Variants in SBF2 observed in about 807,000 individuals in gnomAD.
The protein encoded by SBF2 is SET binding factor 2, also known as myotubularin-related protein 13.
A neutral mutation model predicts 225.2 loss-of-function variants in SBF2; 112 were observed. That is an observed-to-expected ratio of 0.50 (90% CI 0.43 to 0.58). SBF2 has a LOEUF of 0.58. Ranked by LOEUF, SBF2 falls within the 20% of genes least tolerant of loss-of-function variation. The probability of loss-of-function intolerance (pLI) is 0.00; values close to 1 mark genes in which losing one functional copy is unlikely to be tolerated. For synonymous variants in SBF2, 763 were observed against 773.3 expected, an observed-to-expected ratio of 0.99 and a Z score of 0.22; for missense variants, 1,996 against 2,206.2, an observed-to-expected ratio of 0.90 and a Z score of 1.91.
chr11:10,254,339 A>T (rs912978495), intron 1 of SBF2, among the ~76,000 whole-genome samples: 5 of 151,648 alleles, frequency 3.3e-5, no homozygotes, highest in African/African-American at 1.2e-4. Context: ...GACTGCAGTG[A>T]CAGTGCACTC....
At chr11:10,139,895 G>A (rs17292774) in intron 2 of SBF2, among the ~76,000 whole-genome samples, 15,690 of 152,144 alleles carry the variant, frequency 0.1, 979 homozygotes, top group Non-Finnish European at 0.12. Flanking sequence ...CACTGGGTGC[G>A]GATTAGCAGA....
chr11:10,100,594 A>G (rs1431161393), intron 2 of SBF2, among the ~76,000 whole-genome samples: 1 of 152,030 alleles, frequency 6.6e-6, no homozygotes, highest in African/African-American at 2.4e-5. Flanking sequence ...ATATGTCTGT[A>G]GCCTGGTCAT....
intron 16 of SBF2, among the ~76,000 whole-genome samples, chr11:9,924,291 C>A (rs932175071): frequency 6.6e-6 from 1 of 152,162 alleles, no homozygotes; most frequent in South Asian, 2.1e-4. Flanking sequence ...AGATATTTGA[C>A]ACTTTATTAT....
intron 6 of SBF2, among the ~76,000 whole-genome samples, chr11:10,014,505 TA>T (rs1181315538): frequency 0.068 from 4,845 of 70,808 alleles, 95 homozygotes; most frequent in South Asian, 0.18. Context: ...CCATTTCAAC[TA>T]AAAAAAAAAA....
chr11:10,253,176 G>A (rs1438552259), intron 1 of SBF2, among the ~76,000 whole-genome samples: 10 of 138,366 alleles, frequency 7.2e-5, no homozygotes, highest in African/African-American at 2.1e-4. Context: ...TGCCTCTAGA[G>A]AAAAGAAAAA....
chr11:10,069,009 A>T (rs1361124786), intron 2 of SBF2, among the ~76,000 whole-genome samples: 1 of 152,124 alleles, frequency 6.6e-6, no homozygotes, highest in East Asian at 1.9e-4. Flanking sequence ...TAATTGCTTT[A>T]TGTGTTTCCT....
chr11:9,967,911 A>ATCTG (rs1201842155), intron 14 of SBF2, among the ~76,000 whole-genome samples: 3,556 of 139,660 alleles, frequency 0.025, 86 homozygotes, highest in Middle Eastern at 0.041. Flanking sequence ...GTGAAACTCA[A>ATCTG]TCTGTCTGTC....
intron 2 of SBF2, among the ~76,000 whole-genome samples, chr11:10,052,042 A>G (rs2134717782): frequency 6.6e-6 from 1 of 152,250 alleles, no homozygotes; most frequent in South Asian, 2.1e-4. Context: ...ATGTGAGGAA[A>G]ATGTTTAGAC....
At position 9,991,307 on chromosome 11, in the gene SBF2, A is replaced by G. The variant is rs1430015457; in HGVS notation, c.1296+1108T>C. On this transcript the variant is annotated intron_variant, in intron 12 of 39. Transcript: ENST00000256190. The stretch of plus-strand genomic sequence containing the variant: ...TTTTAATTAAAGCATCTGATGCAGT[A>G]AACATATTCTACACAGAACTAAAAT... Among the ~76,000 whole-genome samples, 4 of 152,336 alleles carry G rather than the reference A, an allele frequency of 2.6e-5. No individual in the cohort carries two copies. In the East Asian group the frequency reaches 5.8e-4, roughly 22 times the overall value.
chr11:9,904,571 T>C (rs896531722), intron 16 of SBF2, among the ~76,000 whole-genome samples: 2 of 152,220 alleles, frequency 1.3e-5, no homozygotes, highest in South Asian at 2.1e-4. Context: ...AGTCATCATA[T>C]TGAAGATTAA....
chr11:9,961,759 A>G (rs1455318928), intron 16 of SBF2, 198 bp downstream of exon 16: 16 of 515,054 alleles, frequency 3.1e-5, no homozygotes, highest in Non-Finnish European at 3.4e-6. Flanking sequence ...TCAAAGAGAA[A>G]ACAAAGAAAG....
At chr11:10,137,880 C>T (rs933814941) in intron 2 of SBF2, among the ~76,000 whole-genome samples, 3 of 151,916 alleles carry the variant, frequency 2.0e-5, no homozygotes, top group Non-Finnish European at 2.9e-5. Context: ...GGTTGGCGGA[C>T]GCCTGTAATC....
At chr11:10,211,205 T>G (rs1340317955) in intron 1 of SBF2, among the ~76,000 whole-genome samples, 1 of 152,088 alleles carries the variant, frequency 6.6e-6, no homozygotes, top group African/African-American at 2.4e-5. Flanking sequence ...GCCAGTAGCC[T>G]TCTCAGAGAA....
chr11:9,982,264 C>A (rs1270950710), intron 13 of SBF2, among the ~76,000 whole-genome samples: 1 of 152,228 alleles, frequency 6.6e-6, no homozygotes, highest in African/African-American at 2.4e-5. Context: ...CTGGTCGGTT[C>A]TGTCTGAGGT....
intron 1 of SBF2, among the ~76,000 whole-genome samples, chr11:10,197,160 T>C (rs1268090153): frequency 6.6e-6 from 1 of 152,128 alleles, no homozygotes; most frequent in African/African-American, 2.4e-5. Context: ...TTACTGAAGC[T>C]AGAATTGGTG....
intron 2 of SBF2, among the ~76,000 whole-genome samples, chr11:10,100,874 G>C (rs969039349): frequency 6.6e-6 from 1 of 152,154 alleles, no homozygotes; most frequent in African/African-American, 2.4e-5. Context: ...AGCCCCTTTG[G>C]GGGTCTCAGT....
At chr11:10,300,799 T>TTC (rs1292818622) in intron 1 of SBF2, among the ~76,000 whole-genome samples, 7 of 151,156 alleles carry the variant, frequency 4.6e-5, no homozygotes, top group African/African-American at 9.7e-5. Flanking sequence ...CTACTTTCTC[T>TTC]TCTCTCTCTC....
chr11:9,913,423 T>C (rs1245697726), intron 16 of SBF2, among the ~76,000 whole-genome samples: 2 of 152,108 alleles, frequency 1.3e-5, no homozygotes, highest in African/African-American at 4.8e-5. Context: ...CAAGTGTTGA[T>C]AAGGATGTGA....
At position 9,812,548 on chromosome 11, in the gene SBF2, G is replaced by C. The variant is rs1300030348; in HGVS notation, c.4139C>G (p.Ser1380Cys). 1.2e-6 allele frequency: 2 copies of C among 1,614,200 alleles called. No homozygotes were observed. The highest frequency in any genetic ancestry group is 4.5e-5 in the East Asian group (2 of 44,880). ...AGACATTACCTGTGGGAACCACTCA[G>C]AATCTCCCAGCGCTTTCAGGAAGGT... Reference protein sequence around the residue: ...EVTFLKALGDSEWFPQLHRIM... With the variant: ...EVTFLKALGDCEWFPQLHRIM... The change falls in exon 30 of 40, where the codon TCT becomes TGT. Residue 1380 changes from serine (S) to cysteine (C), a missense_variant. Transcript: ENST00000256190.
Sources: allele counts gnomAD v4.1 joint callset (sites outside exome capture counted in the v4.1 genomes callset), GRCh38; gene constraint gnomAD v4.1.1; transcripts MANE v1.5; gene names NCBI Gene and HGNC (gene_info 2026-07-23, HGNC 2026-07-21).